Variants in THSD4 observed in about 807,000 individuals in gnomAD.
THSD4 encodes thrombospondin type-1 domain-containing protein 4.
A neutral mutation model predicts 119.0 loss-of-function variants in THSD4; 69 were observed. The observed-to-expected ratio is 0.58, with a 90% CI of 0.48 to 0.71. The LOEUF (loss-of-function observed/expected upper bound fraction) is 0.71, where lower values mean the gene tolerates loss of function less well. Ranked by LOEUF, THSD4 falls within the 30% of genes least tolerant of loss-of-function variation. The pLI is 0.00. For missense variants in THSD4, 1,393 were observed against 1,391.1 expected, an observed-to-expected ratio of 1.00 and a Z score of -0.02; for synonymous variants, 524 against 540.4, an observed-to-expected ratio of 0.97 and a Z score of 0.42.
intron 7 of THSD4, among the ~76,000 whole-genome samples, chr15:71,607,477 A>T (rs1454038944): frequency 6.6e-6 from 1 of 152,226 alleles, no homozygotes; most frequent in Non-Finnish European, 1.5e-5. Context: ...TGAGAAAGGT[A>T]TGTTGTCCAC....
intron 8 of THSD4, among the ~76,000 whole-genome samples, chr15:71,722,127 C>G (rs1284857177): frequency 6.6e-6 from 1 of 152,182 alleles, no homozygotes; most frequent in African/African-American, 2.4e-5. Context: ...GCCACCTGCA[C>G]CTTTTTGTGA....
chr15:71,536,336 A>T (rs1199459110), intron 7 of THSD4, among the ~76,000 whole-genome samples: 1 of 152,178 alleles, frequency 6.6e-6, no homozygotes, highest in Non-Finnish European at 1.5e-5. Flanking sequence ...TGGCAGGTTG[A>T]GTTCCTTTCA....
At chr15:71,682,233 C>A (rs560069719) in intron 8 of THSD4, among the ~76,000 whole-genome samples, 12 of 152,328 alleles carry the variant, frequency 7.9e-5, no homozygotes, top group African/African-American at 2.9e-4. Flanking sequence ...ATTGTCTGGC[C>A]AGAGCCATTG....
chr15:71,253,856 C>T (rs1005676138), intron 5 of THSD4, among the ~76,000 whole-genome samples: 1 of 152,214 alleles, frequency 6.6e-6, no homozygotes, highest in African/African-American at 2.4e-5. Flanking sequence ...TGTATGTATA[C>T]ACACACTCCA....
chr15:71,625,108 G>C (rs1057476471), intron 7 of THSD4, among the ~76,000 whole-genome samples: 3 of 152,158 alleles, frequency 2.0e-5, no homozygotes, highest in African/African-American at 7.2e-5. Context: ...CCAGGTTCAA[G>C]TGATTCTCCT....
intron 6 of THSD4, among the ~76,000 whole-genome samples, chr15:71,394,808 G>A (rs569231778): frequency 2.6e-5 from 4 of 152,280 alleles, no homozygotes; most frequent in African/African-American, 4.8e-5. Flanking sequence ...CTACAATTTG[G>A]CGTTTATACA....
In THSD4 at chr15:71,332,892, A is replaced by ATTTTTTTTTTTTTTTTTTTTTTTTTT; in HGVS notation, c.1015+76193_1015+76194insTTTTTTTTTTTTTTTTTTTTTTTTTT. ...TCTTAAAACATTGAGATTTTTTTAC[A>ATTTTTTTTTTTTTTTTTTTTTTTTTT]TTTTTTTTTTTTTTTTAGTTCATCA... is the stretch of plus-strand genomic sequence containing the variant. On this transcript the variant is annotated intron_variant, in intron 6 of 17. Coordinates refer to ENST00000261862, the MANE Select transcript of THSD4 (RefSeq NM_024817.3). 1.8e-3 allele frequency among the ~76,000 whole-genome samples: 138 copies of ATTTTTTTTTTTTTTTTTTTTTTTTTT among 76,986 alleles called. 26 individuals carry two copies. The highest frequency in any genetic ancestry group is 3.0e-3 in the Admixed American group (14 of 4,682). The allele number at this position is 76,986 out of a possible 152,430, so 50.5% of individuals were successfully genotyped here. A position where few individuals can be genotyped will look rare whatever the true frequency, so the allele number is the denominator to read the frequency against.
chr15:71,103,606 G>A (rs1003429752), intron 1 of THSD4, among the ~76,000 whole-genome samples: 4 of 151,734 alleles, frequency 2.6e-5, no homozygotes, highest in African/African-American at 9.7e-5. Context: ...GAAAAAAAAA[G>A]GAAGAAAGAT....
intron 1 of THSD4, among the ~76,000 whole-genome samples, chr15:71,139,245 T>A (rs1471404875): frequency 2.6e-5 from 4 of 152,210 alleles, no homozygotes; most frequent in Non-Finnish European, 1.5e-5. Flanking sequence ...TTGTTCTGGA[T>A]AATAACACCA....
chr15:71,475,765 C>T (rs1475877204), intron 7 of THSD4, among the ~76,000 whole-genome samples: 6 of 151,996 alleles, frequency 3.9e-5, no homozygotes, highest in African/African-American at 1.4e-4. Flanking sequence ...TCTACAAAAT[C>T]GTTTTTTAAA....
chr15:71,437,797 G>T (rs139390101), intron 7 of THSD4, among the ~76,000 whole-genome samples: 1 of 152,194 alleles, frequency 6.6e-6, no homozygotes, highest in Non-Finnish European at 1.5e-5. Flanking sequence ...ATTGCCCTCC[G>T]AAGTGGTTGA....
At chr15:71,735,444 C>G (rs1320671686) in intron 10 of THSD4, among the ~76,000 whole-genome samples, 6 of 150,974 alleles carry the variant, frequency 4.0e-5, no homozygotes, top group Non-Finnish European at 7.4e-5. Context: ...CTCTCTCTCT[C>G]TTTCTCACTC....
intron 7 of THSD4, among the ~76,000 whole-genome samples, chr15:71,567,085 C>T (rs938047192): frequency 6.6e-6 from 1 of 152,096 alleles, no homozygotes; most frequent in Non-Finnish European, 1.5e-5. Flanking sequence ...GAAGTGGACC[C>T]CTCACTCAGA....
chr15:71,250,192 G>A (rs942090329), intron 5 of THSD4, among the ~76,000 whole-genome samples: 2 of 152,126 alleles, frequency 1.3e-5, no homozygotes, highest in African/African-American at 2.4e-5. Context: ...CACATGGAGC[G>A]CTGCAATGAA....
At chr15:71,766,378 C>T (rs1051249067) in intron 16 of THSD4, among the ~76,000 whole-genome samples, 2 of 152,010 alleles carry the variant, frequency 1.3e-5, no homozygotes, top group Non-Finnish European at 2.9e-5. Context: ...TGAAGATCTT[C>T]AAGCAGAGGC....
intron 8 of THSD4, among the ~76,000 whole-genome samples, chr15:71,703,888 C>T (rs2052342228): frequency 6.6e-6 from 1 of 152,260 alleles, no homozygotes; most frequent in East Asian, 1.9e-4. Context: ...CTTGCTCTGT[C>T]GCCCAGGCTG....
chr15:71,727,145 C>G (rs1251078480), intron 8 of THSD4, among the ~76,000 whole-genome samples: 1 of 152,040 alleles, frequency 6.6e-6, no homozygotes, highest in South Asian at 2.1e-4. Flanking sequence ...CTATGGGCCT[C>G]ATGAACTTGA....
chr15:71,108,414 T>G (rs1567127498), intron 1 of THSD4, among the ~76,000 whole-genome samples: 1 of 152,206 alleles, frequency 6.6e-6, no homozygotes, highest in Non-Finnish European at 1.5e-5. Flanking sequence ...AATAATAACC[T>G]GATTAGATTA....
chr15:71,539,566 A>G (rs1444580233), intron 7 of THSD4, among the ~76,000 whole-genome samples: 2 of 152,152 alleles, frequency 1.3e-5, no homozygotes, highest in African/African-American at 4.8e-5. Context: ...TTTAGGCATC[A>G]TATGTTCATT....
Sources: gnomAD v4.1 joint callset for allele counts (sites outside exome capture counted in the v4.1 genomes callset) on GRCh38, gnomAD v4.1.1 for gene constraint, MANE v1.5 for transcripts, NCBI Gene and HGNC (gene_info 2026-07-23, HGNC 2026-07-21) for gene names.